Variants in PMFBP1 observed in about 807,000 individuals in gnomAD.
PMFBP1 encodes the protein polyamine-modulated factor 1-binding protein 1.
PMFBP1 carries 131 observed loss-of-function variants against 137.8 expected under a neutral mutation model. The ratio of observed to expected loss-of-function variants is 0.95; its 90% CI spans 0.82 to 1.10. The LOEUF (loss-of-function observed/expected upper bound fraction) is 1.10. Ranked by LOEUF, PMFBP1 falls within the 50% of genes least tolerant of loss-of-function variation. The probability of loss-of-function intolerance (pLI) is 0.00; values close to 1 mark genes in which losing one functional copy is unlikely to be tolerated. For missense variants in PMFBP1, 1,199 were observed against 1,175.4 expected (o/e 1.02, Z -0.29); for synonymous variants, 490 against 450.4 (o/e 1.09, Z -1.11).
At position 72,140,548 on chromosome 16, in the gene PMFBP1, C is replaced by G; in HGVS notation, c.671G>C (p.Arg224Pro). 6.2e-7 allele frequency: 1 copy of G among 1,613,722 alleles called. No homozygotes were observed. Among genetic ancestry groups the G allele is most frequent in the Non-Finnish European group, 8.5e-7 (1 of 1,179,704 alleles). ...AATCATGCAAGGAGAAGTGTATATCCGTACCTTTGAATGATCACCCTTGTT... is the reference window on the plus strand; with the variant it reads ...AATCATGCAAGGAGAAGTGTATATCGGTACCTTTGAATGATCACCCTTGTT... ...PENKGDHSKV[R>P]IYTSPCMIQE... is the part of the protein sequence containing the mutation. Residue 224 changes from arginine (R) to proline (P), a missense_variant, in exon 6 of 21, where the codon CGG (arginine) becomes CCG (proline). By Grantham distance (103) the Arg-to-Pro change is moderately radical (BLOSUM62 -2). Transcript: ENST00000237353.
chr16:72,150,142 G>C (rs936093363), intron 5 of PMFBP1, among the ~76,000 whole-genome samples: 4 of 152,174 alleles, frequency 2.6e-5, no homozygotes, highest in Non-Finnish European at 4.4e-5. Flanking sequence ...CTGAAGTTGT[G>C]GTTTGCATGA....
intron 9 of PMFBP1, among the ~76,000 whole-genome samples, chr16:72,135,366 T>G (rs1185717001): frequency 2.7e-4 from 34 of 123,746 alleles, no homozygotes; most frequent in African/African-American, 7.5e-4. Context: ...TGTGTTTTTT[T>G]TTTTTTTTTT....
intron 19 of PMFBP1, among the ~76,000 whole-genome samples, chr16:72,122,330 G>T (rs933703640): frequency 7.2e-5 from 11 of 152,192 alleles, no homozygotes; most frequent in Non-Finnish European, 1.6e-4. Flanking sequence ...CCTAAGGCTT[G>T]TTGTTACTTG....
the PMFBP1 span, among the ~76,000 whole-genome samples, chr16:72,214,237 C>G: frequency 1.3e-5 from 2 of 152,034 alleles, no homozygotes; most frequent in East Asian, 1.9e-4. Flanking sequence ...CTCCATCGCC[C>G]AGGCTGGAGT....
At chr16:72,221,118 G>A in the PMFBP1 span, among the ~76,000 whole-genome samples, 1 of 152,066 alleles carries the variant, frequency 6.6e-6, no homozygotes, top group African/African-American at 2.4e-5. Flanking sequence ...CAAAGACTGA[G>A]GCATGAAGAG....
At chr16:72,125,634 T>A (rs1399217426) in intron 15 of PMFBP1, among the ~76,000 whole-genome samples, 2 of 152,086 alleles carry the variant, frequency 1.3e-5, no homozygotes, top group African/African-American at 4.8e-5. Context: ...TCCAATCCCA[T>A]GAATTGATGG....
intron 3 of PMFBP1, 133 bp from the exon 4 acceptor site, chr16:72,154,592 A>T: frequency 9.4e-7 from 1 of 1,059,256 alleles, no homozygotes; most frequent in South Asian, 1.7e-5. Context: ...ATCTACAGAG[A>T]TCTTATTAAA....
chr16:72,215,738 T>C, the PMFBP1 span, among the ~76,000 whole-genome samples: 1 of 152,132 alleles, frequency 6.6e-6, no homozygotes, highest in Admixed American at 6.5e-5. Context: ...ACACAAAAAC[T>C]AACCACTCAT....
chr16:72,171,759 C>G (rs2043223380), intron 1 of PMFBP1: 1 of 152,354 alleles, frequency 6.6e-6, no homozygotes, highest in African/African-American at 2.4e-5. Flanking sequence ...TCTCTTACTA[C>G]TCTATGAGGA....
intron 19 of PMFBP1, 171 bp from the exon 20 acceptor site, chr16:72,120,260 G>A: frequency 1.8e-6 from 2 of 1,130,772 alleles, no homozygotes; most frequent in Non-Finnish European, 2.5e-6. Context: ...CGTGTGTCCT[G>A]TGAAAGAAGC....
intron 5 of PMFBP1, among the ~76,000 whole-genome samples, chr16:72,141,688 T>A (rs1411451569): frequency 6.6e-6 from 1 of 152,066 alleles, no homozygotes; most frequent in Admixed American, 6.5e-5. Flanking sequence ...GATGAGAATA[T>A]AGGTTGTTTC....
chr16:72,149,114 G>A (rs1409452445), intron 5 of PMFBP1, among the ~76,000 whole-genome samples: 1 of 152,110 alleles, frequency 6.6e-6, no homozygotes, highest in East Asian at 1.9e-4. Context: ...CCCTAAAAAC[G>A]TCCTGCACAC....
the PMFBP1 span, among the ~76,000 whole-genome samples, chr16:72,213,207 T>C: frequency 8.2e-6 from 1 of 121,228 alleles, no homozygotes. Flanking sequence ...CGGGGGGGGG[T>C]GGGGAAAGGG....
At chr16:72,155,620 T>C (rs550234253) in intron 3 of PMFBP1, among the ~76,000 whole-genome samples, 1 of 152,230 alleles carries the variant, frequency 6.6e-6, no homozygotes, top group African/African-American at 2.4e-5. Flanking sequence ...GGGGTTGAGC[T>C]TGTGGCCTTG....
chr16:72,154,069 AAT>A (rs2042945013), intron 4 of PMFBP1, 140 bp downstream of exon 4: 1 of 1,141,538 alleles, frequency 8.8e-7, no homozygotes, highest in African/African-American at 1.6e-5. Context: ...AAAGATCAAG[AAT>A]TAAAGGGGGA....
At chr16:72,158,714 C>A (rs72787094) in intron 3 of PMFBP1, among the ~76,000 whole-genome samples, 18,893 of 152,170 alleles carry the variant, frequency 0.12, 1,630 homozygotes, top group South Asian at 0.18. Context: ...TCTTATCAGG[C>A]CAGGCATGGT....
chr16:72,129,127 T>C lies in PMFBP1; in HGVS notation c.1889A>G (p.Glu630Gly). Residue 630 changes from glutamate to glycine, a missense_variant, in exon 13 of 21, where the codon GAG (glutamate) becomes GGG (glycine). Transcript: ENST00000237353. ...TTCAAGTTCTCCCTCCATCAGCTTC[T>C]CATGCTCTTTGCTCTTCTTCAACTG... is the stretch of plus-strand genomic sequence containing the variant. ...REQLKKSKEH[E>G]KLMEGELEAL... The C allele has an allele frequency of 6.2e-7, 1 of 1,614,268 alleles. No individual in the cohort carries two copies. Among genetic ancestry groups the C allele is most frequent in the Admixed American group, 1.7e-5 (1 of 60,034 alleles).
the PMFBP1 span, among the ~76,000 whole-genome samples, chr16:72,227,989 C>A: frequency 6.6e-6 from 1 of 152,136 alleles, no homozygotes; most frequent in African/African-American, 2.4e-5. Context: ...TCCCCGTAGC[C>A]CCCATGGTAA....
At chr16:72,176,112 G>C (rs1042420899), upstream of PMFBP1, among the ~76,000 whole-genome samples, 4 of 152,200 alleles carry the variant, frequency 2.6e-5, no homozygotes, top group African/African-American at 4.8e-5. Flanking sequence ...CAGAGTAACA[G>C]TGAATAGGAA....
Sources: gnomAD v4.1 joint callset for allele counts (sites outside exome capture counted in the v4.1 genomes callset) on GRCh38, gnomAD v4.1.1 for gene constraint, MANE v1.5 for transcripts, NCBI Gene and HGNC (gene_info 2026-07-23, HGNC 2026-07-21) for gene names.